FAM124A: variants seen among roughly 807,000 people sequenced by gnomAD.
FAM124A encodes protein FAM124A.
A neutral mutation model predicts 24.5 loss-of-function variants in FAM124A; 23 were observed. That is an observed-to-expected ratio of 0.94 (90% CI 0.68 to 1.33). The LOEUF is 1.33. Ranked by LOEUF, FAM124A falls within the 40% of genes most tolerant of loss-of-function variation. FAM124A has a pLI of 0.00. For missense variants in FAM124A, 623 were observed against 722.8 expected (o/e 0.86, Z 1.58); for synonymous variants, 287 against 314.7 (o/e 0.91, Z 0.93).
chr13:51,236,526 A>C (rs4942979), intron 2 of FAM124A, among the ~76,000 whole-genome samples: 15,929 of 152,318 alleles, frequency 0.1, 1,048 homozygotes, highest in East Asian at 0.26. Flanking sequence ...TAATTAAGCA[A>C]TTACATTTGT....
rs117929146 is a variant in FAM124A at position 51,258,578 on chromosome 13, T to C, written c.834+6377T>C. ...TGGCAGACATGCAAACCAAGAAAGC[T>C]AGCAAAGCATTGCAGTGCTGTGGCT... On this transcript the variant is annotated intron_variant, in intron 3 of 3. Transcript: ENST00000322475. This position sits in a 1 kb window ranked among gnomAD's most constrained non-coding sequence, Gnocchi z 4.2. Among the ~76,000 whole-genome samples the C allele has an allele frequency of 7.2e-5, 11 of 152,324 alleles. No homozygotes were observed. In the East Asian group the frequency reaches 1.7e-3, roughly 24 times the overall value.
At chr13:51,237,778 A>T (rs927341950) in intron 2 of FAM124A, among the ~76,000 whole-genome samples, 2 of 133,222 alleles carry the variant, frequency 1.5e-5, no homozygotes, top group Non-Finnish European at 3.6e-5. Context: ...TATTCCAGGC[A>T]TGGGGCATCT....
chr13:51,270,981 A>C (rs1007766442), intron 3 of FAM124A, among the ~76,000 whole-genome samples: 3 of 152,250 alleles, frequency 2.0e-5, no homozygotes, highest in Non-Finnish European at 4.4e-5. Flanking sequence ...TTGTTATTTA[A>C]ACAGATCTGC....
chr13:51,229,702 T>C, intron 1 of FAM124A, among the ~76,000 whole-genome samples: 1 of 152,248 alleles, frequency 6.6e-6, no homozygotes, highest in East Asian at 1.9e-4. Context: ...GATGATTTTA[T>C]TGTAATCAAG....
At chr13:51,269,774 CTT>C (rs1473865360) in intron 3 of FAM124A, among the ~76,000 whole-genome samples, 1 of 152,172 alleles carries the variant, frequency 6.6e-6, no homozygotes, top group Non-Finnish European at 1.5e-5. Context: ...AAATTGGTAA[CTT>C]TAATTAATTG....
intron 3 of FAM124A, 169 bp downstream of exon 3, chr13:51,252,370 AGAG>A: frequency 1.2e-6 from 1 of 843,582 alleles, no homozygotes; most frequent in Non-Finnish European, 1.8e-6. Context: ...TCCCAACAAA[AGAG>A]GGGGCAAGAA....
rs1181332513 is a variant in FAM124A, at chr13:51,272,741, T to C, written c.835-7709T>C. Among the ~76,000 whole-genome samples the C allele has an allele frequency of 1.3e-5, 2 of 152,024 alleles. No homozygotes were observed. The highest frequency in any genetic ancestry group is 2.9e-5 in the Non-Finnish European group (2 of 67,986). On this transcript the variant is annotated intron_variant, in intron 3 of 3. Transcript: ENST00000322475. The surrounding 1 kb of genome is among the most constrained non-coding windows in gnomAD (Gnocchi z 4.2). ...CTAGACCGCAGGACGCCAAGCACAGTCAAGGTGGGAGTGCCATACTGGGCC... is the reference window on the plus strand; with the variant it reads ...CTAGACCGCAGGACGCCAAGCACAGCCAAGGTGGGAGTGCCATACTGGGCC...
Position 51,283,767 on chromosome 13 carries a change from C to CAAAAAAAAAAA in FAM124A, c.*2529_*2539dup, listed in dbSNP as rs3045985. 2.3e-4 allele frequency: 8 copies of CAAAAAAAAAAA among 34,716 alleles called. 3 individuals carry two copies. The highest frequency in any genetic ancestry group is 5.9e-4 in the African/African-American group (6 of 10,126). 2.2% of individuals were successfully genotyped at this position (34,716 alleles called of 1,614,324 possible). A position where few individuals can be genotyped will look rare whatever the true frequency, so the allele number is the denominator to read the frequency against. ...TCATCAGTAACAAAAGTCAGTGAGG[C>CAAAAAAAAAAA]AAAAAAAAAAAAAAAAAAAAAAAAA... On this transcript the variant is annotated 3_prime_UTR_variant, in exon 4 of 4. Coordinates refer to ENST00000322475, the MANE Select transcript of FAM124A (RefSeq NM_001242312.2).
chr13:51,248,369 C>G (rs937766338), intron 2 of FAM124A, among the ~76,000 whole-genome samples: 2 of 152,236 alleles, frequency 1.3e-5, no homozygotes, highest in Non-Finnish European at 2.9e-5. Context: ...ATCTTTATAG[C>G]CTGTGAATCC....
chr13:51,233,921 C>T (rs774894006), intron 2 of FAM124A, among the ~76,000 whole-genome samples: 16 of 152,182 alleles, frequency 1.1e-4, no homozygotes, highest in Non-Finnish European at 1.6e-4. Context: ...TACAGGGCCT[C>T]TCCCAGTCAC....
chr13:51,278,040 A>G (rs1410307209), intron 3 of FAM124A, among the ~76,000 whole-genome samples: 4 of 152,232 alleles, frequency 2.6e-5, no homozygotes, highest in East Asian at 3.8e-4. Context: ...ATGTGATGCT[A>G]TTCTGTTCCT....
At chr13:51,278,100 G>A (rs572782560) in intron 3 of FAM124A, among the ~76,000 whole-genome samples, 56 of 152,318 alleles carry the variant, frequency 3.7e-4, no homozygotes, top group East Asian at 9.7e-4. Flanking sequence ...ATTCCAGGGA[G>A]GCAGCTAGCC....
intron 3 of FAM124A, among the ~76,000 whole-genome samples, chr13:51,265,664 A>G (rs1364172922): frequency 6.6e-6 from 1 of 152,152 alleles, no homozygotes; most frequent in African/African-American, 2.4e-5. Context: ...AGCTACTGTT[A>G]TTATCATTAT....
chr13:51,229,782 T>A (rs958372547), intron 1 of FAM124A, among the ~76,000 whole-genome samples: 1 of 152,202 alleles, frequency 6.6e-6, no homozygotes, highest in Non-Finnish European at 1.5e-5. Flanking sequence ...ATAATTACAT[T>A]TCCAAGTATT....
chr13:51,280,772 G>C lies in FAM124A; in HGVS notation c.1157G>C (p.Gly386Ala). ...GAACCACAGTGGTTTTCAAACACAG[G>C]TGCCCCAGGGCACAGGGCATCAGAG... ...SAEPQWFSNT[G>A]APGHRASEWR... The change falls in exon 4 of 4, where the codon GGT (glycine) becomes GCT (alanine). Residue 386 changes from glycine (G) to alanine (A), a missense_variant. Gly to Ala is a moderately conservative substitution (Grantham distance 60). Coordinates refer to ENST00000322475, the MANE Select transcript of FAM124A (RefSeq NM_001242312.2). 2 of 1,614,216 alleles carry C rather than the reference G, an allele frequency of 1.2e-6. No individual in the cohort carries two copies. Among genetic ancestry groups the C allele is most frequent in the South Asian group, 2.2e-5 (2 of 91,084 alleles).
chr13:51,268,450 G>T (rs181274544), intron 3 of FAM124A, among the ~76,000 whole-genome samples: 335 of 152,314 alleles, frequency 2.2e-3, no homozygotes, highest in African/African-American at 7.7e-3. Flanking sequence ...TAGAGGAAAT[G>T]GATGAAAGTC....
chr13:51,279,882 TCTGGAACCATGGACCACCC>T (rs990472645), intron 3 of FAM124A, among the ~76,000 whole-genome samples: 2 of 152,188 alleles, frequency 1.3e-5, no homozygotes, highest in African/African-American at 4.8e-5. Context: ...GGATTTACTG[TCTGGAACCATGGACCACCC>T]CACCCTAAGA....
intron 1 of FAM124A, 96 bp from the exon 2 acceptor site, chr13:51,231,252 C>T (rs908045864): frequency 2.3e-6 from 3 of 1,331,002 alleles, no homozygotes; most frequent in South Asian, 1.2e-5. Flanking sequence ...ATTTCTTTAC[C>T]AGCTAAATGC....
intron 3 of FAM124A, among the ~76,000 whole-genome samples, chr13:51,253,808 GCTTTTGAAGTTAGAACAA>G (rs2137682071): frequency 6.6e-6 from 1 of 152,302 alleles, no homozygotes; most frequent in African/African-American, 2.4e-5. Flanking sequence ...ACAGGTGCAG[GCTTTTGAAGTTAGAACAA>G]CAGAGTGTGA....
Sources: allele counts gnomAD v4.1 joint callset (sites outside exome capture counted in the v4.1 genomes callset), GRCh38; gene constraint gnomAD v4.1.1; non-coding constraint Gnocchi (gnomAD v3.1); transcripts MANE v1.5; gene names NCBI Gene and HGNC (gene_info 2026-07-23, HGNC 2026-07-21).